The following CD44 variants were observed in gnomAD, a reference collection of about 807,000 sequenced individuals.
CD44 encodes the protein CD44 molecule (IN blood group).
In CD44, 49 loss-of-function variants were observed where a neutral mutation model predicts 88.8. The observed-to-expected ratio is 0.55, with a 90% CI of 0.44 to 0.70. The LOEUF (loss-of-function observed/expected upper bound fraction) is 0.70, where lower values mean the gene tolerates loss of function less well. CD44 is among the 30% of genes least tolerant of loss of function. The probability of loss-of-function intolerance (pLI) is 0.00; values close to 1 mark genes in which losing one functional copy is unlikely to be tolerated. For synonymous variants in CD44, 325 were observed against 312.3 expected (o/e 1.04, Z -0.43); for missense variants, 883 against 913.8 (o/e 0.97, Z 0.43).
At chr11:35,183,318 A>G (rs1464969264) in intron 3 of CD44, among the ~76,000 whole-genome samples, 2 of 148,000 alleles carry the variant, frequency 1.4e-5, no homozygotes, top group East Asian at 1.9e-4. Context: ...GGAGTTAACA[A>G]TCTTGTTGAA....
At chr11:35,162,336 C>T (rs1423997477) in intron 1 of CD44, among the ~76,000 whole-genome samples, 1 of 152,184 alleles carries the variant, frequency 6.6e-6, no homozygotes, top group East Asian at 1.9e-4. Context: ...GGTCTCCTGT[C>T]ATGTATGAGG....
chr11:35,173,817 G>GT (rs777134355), intron 1 of CD44, among the ~76,000 whole-genome samples: 1 of 152,160 alleles, frequency 6.6e-6, no homozygotes, highest in Non-Finnish European at 1.5e-5. Flanking sequence ...TTATTTAACA[G>GT]TTGTTTAGGT....
chr11:35,230,566 C>T lies in CD44; in HGVS notation c.*1233C>T, dbSNP rs897988663. ...GCTGTATTTGTAAACTTAAACACAC[C>T]AGTGTCTGTTCTTGATGCAGTTGCT... On this transcript the variant is annotated 3_prime_UTR_variant, in exon 18 of 18. Transcript: ENST00000428726. The T allele has an allele frequency of 1.3e-5, 2 of 152,182 alleles. No individual in the cohort carries two copies. Among genetic ancestry groups the T allele is most frequent in the Non-Finnish European group, 2.9e-5 (2 of 68,036 alleles). 9.4% of individuals were successfully genotyped at this position (152,182 alleles called of 1,614,324 possible).
At chr11:35,164,279 C>T (rs1943008704) in intron 1 of CD44, among the ~76,000 whole-genome samples, 1 of 152,260 alleles carries the variant, frequency 6.6e-6, no homozygotes, top group East Asian at 1.9e-4. Context: ...ACTCCTGGCT[C>T]TTGCCACATT....
At chr11:35,188,875 C>A (rs1018901598) in intron 4 of CD44, among the ~76,000 whole-genome samples, 2 of 151,848 alleles carry the variant, frequency 1.3e-5, no homozygotes, top group Non-Finnish European at 2.9e-5. Flanking sequence ...GAGGCGGAGG[C>A]TGCTGCACAC....
chr11:35,181,887 TATATATAATATA>T (rs1364652479), intron 3 of CD44, among the ~76,000 whole-genome samples: 2 of 38,564 alleles, frequency 5.2e-5, no homozygotes, highest in South Asian at 4.7e-4. Context: ...TATATAATTC[TATATATAATATA>T]ATATATAATA....
intron 17 of CD44, chr11:35,223,176 C>A (rs2134388130): frequency 1.3e-5 from 13 of 985,200 alleles, no homozygotes; most frequent in East Asian, 1.1e-4. Context: ...ATCTAAAAGG[C>A]CGCCTATGAT....
chr11:35,189,943 C>T lies in CD44; in HGVS notation c.545C>T (p.Ser182Phe), dbSNP rs141155638. The change falls in exon 5 of 18, where the codon TCC (serine) becomes TTC (phenylalanine). Residue 182 changes from serine to phenylalanine, a missense_variant. Around this residue, in one of 2 missense-constraint regions of CD44, gnomAD observed 252 missense variants for 322.9 expected, o/e 0.78. Coordinates refer to ENST00000428726, the MANE Select transcript of CD44 (RefSeq NM_000610.4). ...ACTGATGATGACGTGAGCAGCGGCT[C>T]CTCCAGTGAAAGGAGCAGCACTTCA... ...NPTDDDVSSGSSSERSSTSGG... is the reference protein window; with the variant it reads ...NPTDDDVSSGFSSERSSTSGG... 38 of 1,614,094 alleles carry T rather than the reference C, an allele frequency of 2.4e-5. No homozygotes were observed. In the African/African-American group the frequency reaches 4.7e-4, roughly 20 times the overall value.
At chr11:35,222,404 G>A (rs1454970331) in intron 17 of CD44, 3 of 1,299,454 alleles carry the variant, frequency 2.3e-6, no homozygotes, top group Non-Finnish European at 3.0e-6. Context: ...AGCATAAGAA[G>A]AGCACTGTTT....
chr11:35,139,350 C>A lies in CD44; in HGVS notation c.47C>A (p.Pro16Gln), dbSNP rs371626843. 1.9e-6 allele frequency: 3 copies of A among 1,561,226 alleles called. No individual in the cohort carries two copies. Among genetic ancestry groups the A allele is most frequent in the Non-Finnish European group, 2.6e-6 (3 of 1,152,302 alleles). Reference protein sequence around the residue: ...WHAAWGLCLVPLSLAQIDLNI... With the variant: ...WHAAWGLCLVQLSLAQIDLNI... ...GCAGCCTGGGGACTCTGCCTCGTGCCGCTGAGCCTGGCGCAGATCGGTGAG... is the reference window on the plus strand; with the variant it reads ...GCAGCCTGGGGACTCTGCCTCGTGCAGCTGAGCCTGGCGCAGATCGGTGAG... The change falls in exon 1 of 18, where the codon CCG becomes CAG. Residue 16 changes from proline (P) to glutamine (Q), a missense_variant. Coordinates refer to ENST00000428726, the MANE Select transcript of CD44 (RefSeq NM_000610.4).
At chr11:35,186,934 C>T (rs754328552) in intron 4 of CD44, 34 bp downstream of exon 4, 4 of 1,348,860 alleles carry the variant, frequency 3.0e-6, no homozygotes, top group Non-Finnish European at 4.3e-6. Flanking sequence ...TTAAATTTTC[C>T]TATTTTGGGG....
intron 14 of CD44, chr11:35,212,676 A>G (rs566624211): frequency 1.3e-5 from 2 of 152,332 alleles, no homozygotes; most frequent in Admixed American, 6.5e-5. Flanking sequence ...TTGGCAAGAC[A>G]AAGCCCCTTA....
At chr11:35,187,103 T>C (rs1945758182) in intron 4 of CD44, among the ~76,000 whole-genome samples, 1 of 152,108 alleles carries the variant, frequency 6.6e-6, no homozygotes, top group Non-Finnish European at 1.5e-5. Context: ...CGAAACCTTA[T>C]CTCTACTAAA....
intron 1 of CD44, among the ~76,000 whole-genome samples, chr11:35,156,502 C>A (rs544121335): frequency 6.6e-6 from 1 of 152,278 alleles, no homozygotes; most frequent in South Asian, 2.1e-4. Context: ...TGATTCTAAA[C>A]CAAAATGGTG....
chr11:35,145,726 C>T (rs1403683260), intron 1 of CD44, among the ~76,000 whole-genome samples: 1 of 152,116 alleles, frequency 6.6e-6, no homozygotes, highest in Non-Finnish European at 1.5e-5. Flanking sequence ...TCCTCCAACC[C>T]CCATGTCTGC....
At chr11:35,198,781 A>G (rs1197009009) in intron 7 of CD44, among the ~76,000 whole-genome samples, 1 of 152,074 alleles carries the variant, frequency 6.6e-6, no homozygotes, top group Non-Finnish European at 1.5e-5. Flanking sequence ...GATCGAGACC[A>G]TCCTGGCTAA....
At chr11:35,143,334 T>G (rs1858395952) in intron 1 of CD44, among the ~76,000 whole-genome samples, 1 of 150,628 alleles carries the variant, frequency 6.6e-6, no homozygotes, top group Non-Finnish European at 1.5e-5. Context: ...AAGTCCTGAG[T>G]CTCTAGGAAA....
chr11:35,167,026 T>TG (rs941500111), intron 1 of CD44, among the ~76,000 whole-genome samples: 1 of 152,182 alleles, frequency 6.6e-6, no homozygotes, highest in Non-Finnish European at 1.5e-5. Context: ...CTGGCAGGCC[T>TG]GGGGGGCAGC....
chr11:35,160,005 G>A (rs1942398375), intron 1 of CD44, among the ~76,000 whole-genome samples: 1 of 152,192 alleles, frequency 6.6e-6, no homozygotes, highest in African/African-American at 2.4e-5. Context: ...CTTCAGGAAA[G>A]GAGGTGGTGG....
Sources: gnomAD v4.1 joint callset for allele counts (sites outside exome capture counted in the v4.1 genomes callset) on GRCh38, gnomAD v4.1.1 for gene constraint, gnomAD v4.1.1 regional missense constraint, MANE v1.5 for transcripts, NCBI Gene and HGNC (gene_info 2026-07-23, HGNC 2026-07-21) for gene names.